Variants in SPMIP11 observed in about 807,000 individuals in gnomAD.
The protein encoded by SPMIP11 is sperm microtubule inner protein 11.
the SPMIP11 span, among the ~76,000 whole-genome samples, chr12:48,751,979 A>G: frequency 6.6e-6 from 1 of 151,514 alleles, no homozygotes; most frequent in Non-Finnish European, 1.5e-5. Flanking sequence ...AGGCATGAGA[A>G]TCTCTCGAAC....
chr12:48,753,581 C>A, the SPMIP11 span, among the ~76,000 whole-genome samples: 1 of 152,118 alleles, frequency 6.6e-6, no homozygotes, highest in Non-Finnish European at 1.5e-5. Context: ...GTCTCCTTGC[C>A]TCTCTGAGCT....
the SPMIP11 span, among the ~76,000 whole-genome samples, chr12:48,756,778 TC>T: frequency 7.8e-5 from 10 of 127,528 alleles, no homozygotes; most frequent in Non-Finnish European, 1.3e-4. Context: ...TTTCTTTTTT[TC>T]TTTTTTTTTT....
the SPMIP11 span, among the ~76,000 whole-genome samples, chr12:48,760,824 GC>G: frequency 5.6e-4 from 85 of 152,334 alleles, 1 homozygote; most frequent in African/African-American, 1.9e-3. Context: ...GCCACTTAGG[GC>G]CCCTCATTGG....
At chr12:48,759,341 T>C in the SPMIP11 span, 4 of 702,584 alleles carry the variant, frequency 5.7e-6, no homozygotes, top group Non-Finnish European at 1.0e-5. Context: ...TGTAAGTACC[T>C]TGGGGTGGGC....
chr12:48,743,079 A>G, the SPMIP11 span, among the ~76,000 whole-genome samples: 1 of 150,758 alleles, frequency 6.6e-6, no homozygotes, highest in African/African-American at 2.4e-5. Context: ...GCCTGTCTCT[A>G]CTAGAAACCC....
At chr12:48,731,761 T>TACAC in the SPMIP11 span, among the ~76,000 whole-genome samples, 3 of 152,152 alleles carry the variant, frequency 2.0e-5, no homozygotes, top group Admixed American at 1.3e-4. Context: ...CTCTCTTACA[T>TACAC]ACACACACAT....
chr12:48,736,407 C>T, the SPMIP11 span, among the ~76,000 whole-genome samples: 2 of 120,204 alleles, frequency 1.7e-5, no homozygotes, highest in Non-Finnish European at 3.3e-5. Context: ...GAGTGAGACT[C>T]TGTCTCAAAA....
chr12:48,740,660 C>CT, the SPMIP11 span, among the ~76,000 whole-genome samples: 1,179 of 141,848 alleles, frequency 8.3e-3, 8 homozygotes, highest in African/African-American at 0.025. Context: ...ACCTGGCCAA[C>CT]TTTTTTTTTT....
At chr12:48,769,759 G>GTT in the SPMIP11 span, among the ~76,000 whole-genome samples, 30 of 103,778 alleles carry the variant, frequency 2.9e-4, no homozygotes, top group Admixed American at 4.0e-4. Flanking sequence ...ACTAATTTTT[G>GTT]TTTTTTTTTT....
chr12:48,744,149 G>C, the SPMIP11 span, among the ~76,000 whole-genome samples: 1 of 151,248 alleles, frequency 6.6e-6, no homozygotes. Flanking sequence ...TCAGGAGGCC[G>C]AGGCAGGAGA....
At chr12:48,743,961 A>C in the SPMIP11 span, among the ~76,000 whole-genome samples, 2 of 149,754 alleles carry the variant, frequency 1.3e-5, no homozygotes, top group Non-Finnish European at 3.0e-5. Context: ...AAAAAAAAAA[A>C]AATTGGCCAG....
the SPMIP11 span, among the ~76,000 whole-genome samples, chr12:48,747,534 G>A: frequency 2.0e-5 from 3 of 152,086 alleles, no homozygotes; most frequent in Non-Finnish European, 2.9e-5. Flanking sequence ...TTTTAATAGT[G>A]CAGACCCTAA....
chr12:48,731,564 T>A, the SPMIP11 span, among the ~76,000 whole-genome samples: 1 of 152,088 alleles, frequency 6.6e-6, no homozygotes, highest in Non-Finnish European at 1.5e-5. Flanking sequence ...TGGCGCTAAA[T>A]GGTAACTTTG....
chr12:48,746,853 G>T, the SPMIP11 span, among the ~76,000 whole-genome samples: 1 of 152,010 alleles, frequency 6.6e-6, no homozygotes. Flanking sequence ...CCCGGGAGGC[G>T]GAGTTTGCAG....
At chr12:48,752,764 C>T in the SPMIP11 span, among the ~76,000 whole-genome samples, 2 of 151,130 alleles carry the variant, frequency 1.3e-5, no homozygotes, top group Non-Finnish European at 2.9e-5. Context: ...CTCCGCCTCC[C>T]GGGTTCAAGC....
At chr12:48,751,566 A>C in the SPMIP11 span, among the ~76,000 whole-genome samples, 1 of 152,194 alleles carries the variant, frequency 6.6e-6, no homozygotes, top group Non-Finnish European at 1.5e-5. Flanking sequence ...TGATTGCACC[A>C]GTGCATTCCA....
At chr12:48,749,664 G>A in the SPMIP11 span, among the ~76,000 whole-genome samples, 1 of 135,374 alleles carries the variant, frequency 7.4e-6, no homozygotes, top group African/African-American at 2.7e-5. Context: ...AAAAAAAAGA[G>A]TTGTTTTTTC....
the SPMIP11 span, chr12:48,767,081 A>G: frequency 6.6e-6 from 1 of 152,564 alleles, no homozygotes; most frequent in South Asian, 2.1e-4. Flanking sequence ...CCTCTTCCCC[A>G]CCCCGTAGTA....
At chr12:48,768,422 A>G in the SPMIP11 span, 1 of 959,918 alleles carries the variant, frequency 1.0e-6, no homozygotes, top group East Asian at 2.6e-5. Flanking sequence ...CTTGTTTTCC[A>G]GCTTGAGGGC....
Sources: gnomAD v4.1 joint callset for allele counts (sites outside exome capture counted in the v4.1 genomes callset) on GRCh38, gnomAD v4.1.1 for gene constraint, MANE v1.5 for transcripts, NCBI Gene and HGNC (gene_info 2026-07-23, HGNC 2026-07-21) for gene names.